The following TMEM131L variants were observed in gnomAD, a reference collection of about 807,000 sequenced individuals.
TMEM131L encodes the protein transmembrane protein 131-like.
In TMEM131L, 54 loss-of-function variants were observed where a neutral mutation model predicts 192.2. The ratio of observed to expected loss-of-function variants is 0.28; its 90% CI spans 0.23 to 0.35. The LOEUF is 0.35. Among genes scored for constraint, TMEM131L ranks in the 10% least tolerant of loss-of-function variants. TMEM131L has a pLI of 1.00. For missense variants in TMEM131L, 1,888 were observed against 1,972.9 expected (o/e 0.96, Z 0.82); for synonymous variants, 701 against 704.9 (o/e 0.99, Z 0.09).
intron 3 of TMEM131L, among the ~76,000 whole-genome samples, chr4:153,521,878 T>G (rs1173629731): frequency 5.1e-5 from 7 of 137,762 alleles, no homozygotes; most frequent in African/African-American, 1.9e-4. Flanking sequence ...TTTTTTTTTT[T>G]GTTAACATCA....
At chr4:153,568,450 A>G (rs920654537) in intron 7 of TMEM131L, among the ~76,000 whole-genome samples, 1 of 152,166 alleles carries the variant, frequency 6.6e-6, no homozygotes, top group African/African-American at 2.4e-5. Context: ...TTTGCCTCCC[A>G]GGAGAATTGA....
At chr4:153,616,950 C>T (rs1274283016) in intron 26 of TMEM131L, among the ~76,000 whole-genome samples, 2 of 152,138 alleles carry the variant, frequency 1.3e-5, no homozygotes, top group East Asian at 1.9e-4. Context: ...TTTTGTTCCT[C>T]TTACCTGTGT....
chr4:153,593,957 G>A (rs1731249479), intron 19 of TMEM131L, 86 bp downstream of exon 19: 1 of 890,652 alleles, frequency 1.1e-6, no homozygotes, highest in Non-Finnish European at 1.9e-6. Context: ...TGTTTAAAAT[G>A]TCTTTTATTT....
At position 153,558,276 on chromosome 4, in the gene TMEM131L, C is replaced by G. The variant is rs1265677571; in HGVS notation, c.568C>G (p.Arg190Gly). Residue 190 changes from arginine (R) to glycine (G), a missense_variant, in exon 7 of 35, where the codon CGT (arginine) becomes GGT (glycine). Transcript: ENST00000409959. ...LSYHVSGIGT[R>G]RISTEGSAKQ... Reference sequence around the variant, plus strand: ...TCCGCAGGTATCTGGAATTGGCACTCGTAGAATCTCTACAGAAGGGTCTGC... The same window carrying G: ...TCCGCAGGTATCTGGAATTGGCACTGGTAGAATCTCTACAGAAGGGTCTGC... 4 of 1,592,424 alleles carry G rather than the reference C, an allele frequency of 2.5e-6. No individual in the cohort carries two copies. Among genetic ancestry groups the G allele is most frequent in the Non-Finnish European group, 3.4e-6 (4 of 1,162,648 alleles).
At chr4:153,605,654 C>G (rs1732179894) in intron 25 of TMEM131L, among the ~76,000 whole-genome samples, 2 of 152,314 alleles carry the variant, frequency 1.3e-5, no homozygotes, top group African/African-American at 4.8e-5. Context: ...TGCTCCCAGC[C>G]TATGGTCAGA....
intron 3 of TMEM131L, among the ~76,000 whole-genome samples, chr4:153,506,447 T>G (rs1444333593): frequency 6.6e-6 from 1 of 152,212 alleles, no homozygotes; most frequent in Non-Finnish European, 1.5e-5. Flanking sequence ...AGAAACAGTT[T>G]ACACAGTGAC....
chr4:153,578,305 A>G (rs1353052005), intron 7 of TMEM131L, among the ~76,000 whole-genome samples: 1 of 152,070 alleles, frequency 6.6e-6, no homozygotes, highest in Non-Finnish European at 1.5e-5. Flanking sequence ...GCATTGCGCT[A>G]TGATTGTGCC....
At chr4:153,534,065 C>G (rs1736123210) in intron 3 of TMEM131L, among the ~76,000 whole-genome samples, 1 of 152,058 alleles carries the variant, frequency 6.6e-6, no homozygotes, top group Non-Finnish European at 1.5e-5. Flanking sequence ...CAGCTTTATA[C>G]TGAGTAATTA....
intron 4 of TMEM131L, among the ~76,000 whole-genome samples, chr4:153,554,463 C>T (rs752118940): frequency 6.6e-6 from 1 of 152,052 alleles, no homozygotes; most frequent in South Asian, 2.1e-4. Flanking sequence ...AGAAAAATTC[C>T]AAGGATTTGA....
chr4:153,523,679 A>G (rs1054687015), intron 3 of TMEM131L, among the ~76,000 whole-genome samples: 1 of 152,172 alleles, frequency 6.6e-6, no homozygotes. Context: ...CTCAAGTTTT[A>G]TAGTTGAATT....
chr4:153,608,614 C>T (rs1732403133), intron 25 of TMEM131L, among the ~76,000 whole-genome samples: 1 of 152,178 alleles, frequency 6.6e-6, no homozygotes, highest in Non-Finnish European at 1.5e-5. Context: ...TTAACAGTAC[C>T]TGAAAGTTTT....
intron 3 of TMEM131L, among the ~76,000 whole-genome samples, chr4:153,532,147 G>A (rs1005603530): frequency 2.6e-5 from 4 of 152,134 alleles, no homozygotes; most frequent in Non-Finnish European, 4.4e-5. Context: ...CTTGAAATTA[G>A]GCAGAATGAT....
chr4:153,540,231 C>T (rs2150326478), intron 3 of TMEM131L, among the ~76,000 whole-genome samples: 1 of 152,080 alleles, frequency 6.6e-6, no homozygotes, highest in Middle Eastern at 3.4e-3. Context: ...TTCTTCGGTC[C>T]TACTGAGAAA....
chr4:153,480,196 G>A (rs1398129432), intron 3 of TMEM131L, among the ~76,000 whole-genome samples: 1 of 152,196 alleles, frequency 6.6e-6, no homozygotes, highest in Non-Finnish European at 1.5e-5. Flanking sequence ...AAAATTAGCT[G>A]GGCGTGGTGG....
chr4:153,622,681 TA>T (rs1733519033), intron 28 of TMEM131L, among the ~76,000 whole-genome samples: 2 of 152,228 alleles, frequency 1.3e-5, no homozygotes, highest in African/African-American at 4.8e-5. Flanking sequence ...TCTTAGCCCC[TA>T]ATTGCTCCTG....
chr4:153,487,545 T>G lies in TMEM131L; in HGVS notation c.239+13657T>G, dbSNP rs1311640885. ...GAGGAACCTTCTGAGGGAGAATTCATTCATTATAAGGGAAGTAAGTTTGGC... is the reference window on the plus strand; with the variant it reads ...GAGGAACCTTCTGAGGGAGAATTCAGTCATTATAAGGGAAGTAAGTTTGGC... On this transcript the variant is annotated intron_variant, in intron 3 of 34. Transcript: ENST00000409959. Among the ~76,000 whole-genome samples, 3 of 152,080 alleles carry G rather than the reference T, an allele frequency of 2.0e-5. No homozygotes were observed. In the East Asian group the frequency reaches 5.8e-4, roughly 29 times the overall value.
At chr4:153,620,410 A>G (rs1297430264) in intron 26 of TMEM131L, among the ~76,000 whole-genome samples, 2 of 152,224 alleles carry the variant, frequency 1.3e-5, no homozygotes, top group Non-Finnish European at 2.9e-5. Context: ...TTCATAGTAC[A>G]GTAATTTATG....
intron 7 of TMEM131L, among the ~76,000 whole-genome samples, chr4:153,560,041 T>C (rs913010594): frequency 2.0e-5 from 3 of 152,104 alleles, no homozygotes; most frequent in African/African-American, 7.2e-5. Context: ...TTAACCCTTA[T>C]TTCATCCTTC....
At chr4:153,562,776 C>T (rs767102695) in intron 7 of TMEM131L, among the ~76,000 whole-genome samples, 18 of 152,194 alleles carry the variant, frequency 1.2e-4, no homozygotes, top group Non-Finnish European at 2.5e-4. Context: ...TTAACTTGTT[C>T]CCTTAGTGCC....
Sources: gnomAD v4.1 joint callset for allele counts (sites outside exome capture counted in the v4.1 genomes callset) on GRCh38, gnomAD v4.1.1 for gene constraint, MANE v1.5 for transcripts, NCBI Gene and HGNC (gene_info 2026-07-23, HGNC 2026-07-21) for gene names.